Variants in SLC6A11 observed in about 807,000 individuals in gnomAD.
SLC6A11 encodes the protein solute carrier family 6 member 11, also known as sodium- and chloride-dependent GABA transporter 3.
SLC6A11 carries 25 observed loss-of-function variants against 74.8 expected under a neutral mutation model. That is an observed-to-expected ratio of 0.33 (90% CI 0.24 to 0.47). SLC6A11 has a LOEUF of 0.47. SLC6A11 is among the 20% of genes least tolerant of loss of function. The pLI is 1.00. For synonymous variants in SLC6A11, 330 were observed against 330.2 expected (o/e 1.00, Z 0.01); for missense variants, 574 against 837.0 (o/e 0.69, Z 3.88).
chr3:10,836,013 T>C (rs1278321651), intron 4 of SLC6A11, among the ~76,000 whole-genome samples: 1 of 152,232 alleles, frequency 6.6e-6, no homozygotes, highest in East Asian at 1.9e-4. Context: ...CTCTGCCCAT[T>C]CACCATTAAT....
intron 6 of SLC6A11, among the ~76,000 whole-genome samples, chr3:10,896,989 A>G (rs1356931973): frequency 6.6e-6 from 1 of 152,200 alleles, no homozygotes. Context: ...CTTCACAATC[A>G]TAGCAGAAGG....
intron 5 of SLC6A11, among the ~76,000 whole-genome samples, chr3:10,872,441 T>G (rs1458937009): frequency 6.6e-6 from 1 of 152,232 alleles, no homozygotes; most frequent in Non-Finnish European, 1.5e-5. Flanking sequence ...TATCATCCTT[T>G]ATGGGCTGAC....
At chr3:10,917,163 A>C (rs1246792178) in intron 7 of SLC6A11, among the ~76,000 whole-genome samples, 1 of 152,200 alleles carries the variant, frequency 6.6e-6, no homozygotes, top group Non-Finnish European at 1.5e-5. Flanking sequence ...TCAAGGGGCT[A>C]TAGGGCCATT....
intron 5 of SLC6A11, among the ~76,000 whole-genome samples, chr3:10,853,782 C>T (rs746369569): frequency 1.3e-5 from 2 of 152,204 alleles, no homozygotes; most frequent in Non-Finnish European, 2.9e-5. Flanking sequence ...GAAATACCTT[C>T]ACGGCAACAC....
chr3:10,902,821 T>A (rs1695257089), intron 6 of SLC6A11, among the ~76,000 whole-genome samples: 1 of 152,214 alleles, frequency 6.6e-6, no homozygotes, highest in African/African-American at 2.4e-5. Flanking sequence ...GATTCATTTG[T>A]TCGTAAGCCC....
chr3:10,887,097 A>G (rs1196530144), intron 6 of SLC6A11, among the ~76,000 whole-genome samples: 1 of 112,374 alleles, frequency 8.9e-6, no homozygotes, highest in Non-Finnish European at 1.8e-5. Context: ...AGACAGACGG[A>G]TGGATGGATG....
chr3:10,918,302 C>G lies in SLC6A11; in HGVS notation c.996-27C>G, dbSNP rs771988331. 7 of 1,565,970 alleles carry G rather than the reference C, an allele frequency of 4.5e-6. No homozygotes were observed. In the African/African-American group the frequency reaches 6.9e-5, roughly 15 times the overall value. On this transcript the variant is annotated intron_variant, in intron 7 of 13. Coordinates refer to ENST00000254488, the MANE Select transcript of SLC6A11 (RefSeq NM_014229.3). The surrounding 1 kb of genome is among the most constrained non-coding windows in gnomAD (Gnocchi z 4.5). ...TGCACCGGTTCTGCCCGCTCTGACC[C>G]TAGTGCCTCTCGCTGCTTCCCCACA... is the stretch of plus-strand genomic sequence containing the variant.
intron 6 of SLC6A11, among the ~76,000 whole-genome samples, chr3:10,884,856 C>T (rs1412028854): frequency 6.6e-6 from 1 of 152,240 alleles, no homozygotes; most frequent in Non-Finnish European, 1.5e-5. Context: ...ACCTGGTTCC[C>T]AATGTTGAGA....
At chr3:10,898,896 GTT>G (rs1322791049) in intron 6 of SLC6A11, among the ~76,000 whole-genome samples, 2 of 152,192 alleles carry the variant, frequency 1.3e-5, no homozygotes, top group Non-Finnish European at 2.9e-5. Context: ...AAAGAAAGAG[GTT>G]TATTGGACTT....
chr3:10,821,964 G>A (rs1449728873), intron 3 of SLC6A11, among the ~76,000 whole-genome samples: 1 of 152,174 alleles, frequency 6.6e-6, no homozygotes, highest in African/African-American at 2.4e-5. Context: ...GCCTGACTGA[G>A]GACCCCCAGA....
chr3:10,873,996 T>TACGCTACGCTACGCTACGCTAC (rs1559567293), intron 5 of SLC6A11, among the ~76,000 whole-genome samples: 55 of 128,618 alleles, frequency 4.3e-4, no homozygotes, highest in Non-Finnish European at 5.6e-4. Context: ...CGCTACGCTA[T>TACGCTACGCTACGCTACGCTAC]GCTATGCTAT....
chr3:10,818,423 T>C (rs1694092890), intron 1 of SLC6A11, among the ~76,000 whole-genome samples: 1 of 152,204 alleles, frequency 6.6e-6, no homozygotes. Context: ...CTGTTTACCT[T>C]TTTAAAAACA....
chr3:10,911,185 T>C (rs1695383775), intron 6 of SLC6A11, among the ~76,000 whole-genome samples: 1 of 152,184 alleles, frequency 6.6e-6, no homozygotes, highest in African/African-American at 2.4e-5. Context: ...TGCCTGTACA[T>C]TGAGAGGTCA....
intron 4 of SLC6A11, among the ~76,000 whole-genome samples, chr3:10,831,258 G>A (rs1244504572): frequency 2.0e-5 from 3 of 152,032 alleles, no homozygotes; most frequent in Non-Finnish European, 4.4e-5. Context: ...CTGCACATAA[G>A]TTTTGTCCCC....
intron 5 of SLC6A11, among the ~76,000 whole-genome samples, chr3:10,873,845 C>G (rs779823510): frequency 1.3e-4 from 19 of 151,748 alleles, no homozygotes; most frequent in Non-Finnish European, 2.5e-4. Flanking sequence ...ATGCTCTGCT[C>G]TGCTATGCTA....
intron 6 of SLC6A11, among the ~76,000 whole-genome samples, chr3:10,904,507 T>C (rs763696138): frequency 1.1e-4 from 17 of 152,116 alleles, no homozygotes; most frequent in Non-Finnish European, 2.2e-4. Flanking sequence ...ACATGGGGAG[T>C]GATCCCTTTC....
chr3:10,894,315 G>T (rs537116874), intron 6 of SLC6A11, among the ~76,000 whole-genome samples: 24 of 152,310 alleles, frequency 1.6e-4, no homozygotes, highest in Middle Eastern at 3.4e-3. Context: ...GACCCTGAAG[G>T]CTGGCAGGAC....
rs369544017 is a variant in SLC6A11 at position 10,918,282 on chromosome 3, C to A, written c.996-47C>A. 2 of 1,512,884 alleles carry A rather than the reference C, an allele frequency of 1.3e-6. No homozygotes were observed. Among genetic ancestry groups the A allele is most frequent in the South Asian group, 2.6e-5 (2 of 75,816 alleles). 93.7% of individuals were successfully genotyped at this position (1,512,884 alleles called of 1,614,324 possible). A position where few individuals can be genotyped will look rare whatever the true frequency, so the allele number is the denominator to read the frequency against. ...GGTGGAGAACGTTTGAGCCGTGCAC[C>A]GGTTCTGCCCGCTCTGACCCTAGTG... On this transcript the variant is annotated intron_variant, in intron 7 of 13. Transcript: ENST00000254488. The surrounding 1 kb of genome is among the most constrained non-coding windows in gnomAD (Gnocchi z 4.5).
chr3:10,929,261 G>T lies in SLC6A11; in HGVS notation c.1293G>T (p.Arg431=). ...AVVDMYPKVF[R]RGYRRELLIL... ...TGGACATGTACCCCAAGGTTTTCCG[G>T]AGGGGTTACCGGCGGGAGCTGCTCA... The change falls in exon 10 of 14, where the codon CGG becomes CGT. Residue 431 remains arginine (R), a synonymous_variant. Coordinates refer to ENST00000254488, the MANE Select transcript of SLC6A11 (RefSeq NM_014229.3). 6.2e-7 allele frequency: 1 copy of T among 1,614,142 alleles called. No individual in the cohort carries two copies. Among genetic ancestry groups the T allele is most frequent in the Non-Finnish European group, 8.5e-7 (1 of 1,179,986 alleles).
Sources: allele counts gnomAD v4.1 joint callset (sites outside exome capture counted in the v4.1 genomes callset), GRCh38; gene constraint gnomAD v4.1.1; non-coding constraint Gnocchi (gnomAD v3.1); transcripts MANE v1.5; gene names NCBI Gene and HGNC (gene_info 2026-07-23, HGNC 2026-07-21).